Variants in PRCC observed in about 807,000 individuals in gnomAD.
PRCC encodes the protein proline rich mitotic checkpoint control factor, also known as proline-rich protein PRCC.
Under a neutral mutation model 44.0 loss-of-function variants are expected in PRCC, and 10 were observed. That is an observed-to-expected ratio of 0.23 (90% CI 0.14 to 0.39). PRCC has a LOEUF of 0.39. PRCC is among the 10% of genes least tolerant of loss of function. The probability of loss-of-function intolerance (pLI) is 1.00; values close to 1 mark genes in which losing one functional copy is unlikely to be tolerated. For missense variants in PRCC, 573 were observed against 624.7 expected (o/e 0.92, Z 0.88); for synonymous variants, 278 against 259.5 (o/e 1.07, Z -0.69).
At chr1:156,779,128 ATTTTTTTTTTT>A (rs869088692) in intron 1 of PRCC, among the ~76,000 whole-genome samples, 48 of 35,858 alleles carry the variant, frequency 1.3e-3, no homozygotes, top group Non-Finnish European at 1.7e-3. Flanking sequence ...ATATATATAT[ATTTTTTTTTTT>A]TTTTTTTTTT....
At chr1:156,779,765 G>A (rs1651983056) in intron 1 of PRCC, among the ~76,000 whole-genome samples, 1 of 150,628 alleles carries the variant, frequency 6.6e-6, no homozygotes, top group South Asian at 2.1e-4. Context: ...AAATATTAGA[G>A]GTGGGGGGGT....
At chr1:156,772,841 C>T (rs1651681649) in intron 1 of PRCC, among the ~76,000 whole-genome samples, 2 of 152,146 alleles carry the variant, frequency 1.3e-5, no homozygotes, top group South Asian at 4.1e-4. Flanking sequence ...CTGAACTGTG[C>T]TGGGCACTTA....
At position 156,793,493 on chromosome 1, in the gene PRCC, C is replaced by CT. The variant is rs113676490; in HGVS notation, c.1180-1158dup. 6.3e-3 allele frequency among the ~76,000 whole-genome samples: 878 copies of CT among 139,732 alleles called. 5 individuals carry two copies. The highest frequency in any genetic ancestry group is 8.8e-3 in the Non-Finnish European group (568 of 64,242). The allele number at this position is 139,732 out of a possible 152,430, so 91.7% of individuals were successfully genotyped here. A position where few individuals can be genotyped will look rare whatever the true frequency, so the allele number is the denominator to read the frequency against. The stretch of plus-strand genomic sequence containing the variant: ...GCAGTGTCCTAGAAAGTTTACTGGG[C>CT]TTTTTTTTTTTTTTCTTTACCTTAA... On this transcript the variant is annotated intron_variant, in intron 4 of 6. Transcript: ENST00000271526.
At chr1:156,784,515 A>T (rs771946773) in intron 2 of PRCC, among the ~76,000 whole-genome samples, 3 of 152,204 alleles carry the variant, frequency 2.0e-5, no homozygotes, top group Non-Finnish European at 2.9e-5. Context: ...ATATGTGACA[A>T]GTCAGACACT....
At chr1:156,769,501 G>A (rs1446651873) in intron 1 of PRCC, among the ~76,000 whole-genome samples, 1 of 152,136 alleles carries the variant, frequency 6.6e-6, no homozygotes, top group Non-Finnish European at 1.5e-5. Flanking sequence ...GATATTTTGT[G>A]AGTGAAAGAA....
At position 156,768,145 on chromosome 1, in the gene PRCC, C is replaced by A. The variant is rs1010267461; in HGVS notation, c.374C>A (p.Pro125Gln). ...GGCCCTGGCCTCAATCTGCCCCCTC[C>A]AATTGGCGGTGCCGGTCCCCCGCTG... The part of the protein sequence containing the change: ...PRGPGLNLPP[P>Q]IGGAGPPLGL... Residue 125 changes from proline (P) to glutamine (Q), a missense_variant, in exon 1 of 7, where the codon CCA becomes CAA. By Grantham distance (76) the Pro-to-Gln change is moderately conservative. Transcript: ENST00000271526. 27 of 1,561,880 alleles carry A rather than the reference C, an allele frequency of 1.7e-5. No individual in the cohort carries two copies. In the East Asian group the frequency reaches 1.9e-4, roughly 11 times the overall value.
At chr1:156,774,377 A>T (rs1028569458) in intron 1 of PRCC, among the ~76,000 whole-genome samples, 55 of 150,990 alleles carry the variant, frequency 3.6e-4, no homozygotes, top group Admixed American at 6.6e-4. Context: ...GTTTCACCAT[A>T]TTGGTCAGGC....
Position 156,768,187 on chromosome 1 carries a change from A to G in PRCC, c.416A>G (p.Lys139Arg), listed in dbSNP as rs948635067. Residue 139 changes from lysine (K) to arginine (R), a missense_variant, in exon 1 of 7, where the codon AAG becomes AGG. Physicochemically the swap from Lys to Arg is conservative, Grantham distance 26 (BLOSUM62 2). Around this residue, in one of 4 missense-constraint regions of PRCC, gnomAD observed 245 missense variants for 188.5 expected, o/e 1.30. Coordinates refer to ENST00000271526, the MANE Select transcript of PRCC (RefSeq NM_005973.5). ...CCCCCGCTGGGGCTTCCCAAGCCAA[A>G]GAAGAGGAAAGAGCCCGTGAAGATC... ...AGPPLGLPKP[K>R]KRKEPVKIAA... 2 of 1,549,680 alleles carry G rather than the reference A, an allele frequency of 1.3e-6. No individual in the cohort carries two copies. The highest frequency in any genetic ancestry group is 1.7e-6 in the Non-Finnish European group (2 of 1,147,884).
intron 6 of PRCC, among the ~76,000 whole-genome samples, chr1:156,799,001 G>A (rs1652758824): frequency 6.6e-6 from 1 of 152,160 alleles, no homozygotes; most frequent in South Asian, 2.1e-4. Context: ...CAATACTTGA[G>A]CTCACTGCAA....
At chr1:156,781,802 C>T (rs1652060818) in intron 1 of PRCC, among the ~76,000 whole-genome samples, 2 of 152,206 alleles carry the variant, frequency 1.3e-5, no homozygotes, top group South Asian at 2.1e-4. Context: ...GTTAACACAC[C>T]ACTCAATCCC....
chr1:156,793,545 T>C (rs925476365), intron 4 of PRCC, among the ~76,000 whole-genome samples: 2 of 151,922 alleles, frequency 1.3e-5, no homozygotes, highest in Non-Finnish European at 2.9e-5. Context: ...GCTAAGACTC[T>C]GTGTGTGTGA....
At chr1:156,798,688 C>T (rs1331796530) in intron 6 of PRCC, among the ~76,000 whole-genome samples, 1 of 151,958 alleles carries the variant, frequency 6.6e-6, no homozygotes, top group Non-Finnish European at 1.5e-5. Flanking sequence ...AACCCTGTCT[C>T]TACTAAAAAT....
intron 1 of PRCC, among the ~76,000 whole-genome samples, chr1:156,772,025 AT>A (rs1651655580): frequency 6.6e-6 from 1 of 151,734 alleles, no homozygotes; most frequent in African/African-American, 2.4e-5. Context: ...GGACTGGTCA[AT>A]TTTTGTATTT....
chr1:156,799,698 A>G (rs753221445), intron 6 of PRCC, among the ~76,000 whole-genome samples: 7 of 152,200 alleles, frequency 4.6e-5, no homozygotes, highest in Non-Finnish European at 7.3e-5. Context: ...TCCAAAGGAG[A>G]TGAGCAGGCA....
chr1:156,794,452 C>A (rs1652590829), intron 4 of PRCC, among the ~76,000 whole-genome samples: 2 of 152,122 alleles, frequency 1.3e-5, no homozygotes, highest in Admixed American at 6.6e-5. Flanking sequence ...TCTTAGCTTC[C>A]CTTTTCCTGG....
rs542312691 is a variant in PRCC at position 156,778,975 on chromosome 1, T to G, written c.469-3307T>G. Among the ~76,000 whole-genome samples the G allele has an allele frequency of 3.3e-5, 5 of 150,728 alleles. No homozygotes were observed. The East Asian group carries it at 9.7e-4, about 29-fold the overall frequency. On this transcript the variant is annotated intron_variant, in intron 1 of 6. Coordinates refer to ENST00000271526, the MANE Select transcript of PRCC (RefSeq NM_005973.5). ...CCACCATGCCTGGCTAATTTTTATA[T>G]TTTTAGTAGAGACGGGCTTTCATCA...
At chr1:156,773,599 A>G (rs1335097596) in intron 1 of PRCC, among the ~76,000 whole-genome samples, 6 of 152,082 alleles carry the variant, frequency 3.9e-5, no homozygotes, top group Non-Finnish European at 2.9e-5. Flanking sequence ...TTCTTGATCT[A>G]ATGGCACAGA....
chr1:156,774,765 A>T (rs1651758332), intron 1 of PRCC, among the ~76,000 whole-genome samples: 1 of 151,968 alleles, frequency 6.6e-6, no homozygotes, highest in South Asian at 2.1e-4. Context: ...CAGCCTGGCC[A>T]AGATGGTGAA....
At chr1:156,779,126 ATATTTTTTTTTTTTTT>A (rs1397892342) in intron 1 of PRCC, among the ~76,000 whole-genome samples, 337 of 29,278 alleles carry the variant, frequency 0.012, 1 homozygote, top group East Asian at 0.053. Flanking sequence ...ATATATATAT[ATATTTTTTTTTTTTTT>A]TTTTTTTTTT....
Sources: gnomAD v4.1 joint callset for allele counts (sites outside exome capture counted in the v4.1 genomes callset) on GRCh38, gnomAD v4.1.1 for gene constraint, gnomAD v4.1.1 regional missense constraint, MANE v1.5 for transcripts, NCBI Gene and HGNC (gene_info 2026-07-23, HGNC 2026-07-21) for gene names.